Variants in SLC35F4 observed in about 807,000 individuals in gnomAD.
SLC35F4 encodes the protein chromosome 14 open reading frame 36.
Under a neutral mutation model 44.2 loss-of-function variants are expected in SLC35F4, and 24 were observed. The ratio of observed to expected loss-of-function variants is 0.54; its 90% CI spans 0.39 to 0.76. The LOEUF is 0.76. SLC35F4 is among the 30% of genes least tolerant of loss of function. The pLI, the probability that SLC35F4 is intolerant of heterozygous loss-of-function variation, is 0.00. For synonymous variants in SLC35F4, 238 were observed against 223.6 expected (o/e 1.06, Z -0.57); for missense variants, 562 against 586.1 (o/e 0.96, Z 0.42).
At chr14:57,702,766 C>A (rs1025402750) in intron 1 of SLC35F4, among the ~76,000 whole-genome samples, 1 of 152,132 alleles carries the variant, frequency 6.6e-6, no homozygotes, top group African/African-American at 2.4e-5. Context: ...ATTTTCTGCA[C>A]GATGTTCCTT....
intron 1 of SLC35F4, among the ~76,000 whole-genome samples, chr14:57,644,679 A>G (rs905466444): frequency 1.3e-5 from 2 of 152,144 alleles, no homozygotes; most frequent in African/African-American, 4.8e-5. Context: ...TTAGACATGA[A>G]GTCCTTGCCC....
At chr14:57,721,433 T>C (rs1464970253) in intron 1 of SLC35F4, among the ~76,000 whole-genome samples, 3 of 152,164 alleles carry the variant, frequency 2.0e-5, no homozygotes, top group Non-Finnish European at 4.4e-5. Context: ...AAGAAAATGA[T>C]GAACTCAGGG....
intron 1 of SLC35F4, among the ~76,000 whole-genome samples, chr14:57,668,545 A>G (rs898183085): frequency 4.6e-5 from 7 of 152,120 alleles, no homozygotes; most frequent in Non-Finnish European, 1.0e-4. Flanking sequence ...AACTTTCTGC[A>G]TATGGCTAGC....
At chr14:57,565,965 T>C (rs2068185606) in intron 7 of SLC35F4, among the ~76,000 whole-genome samples, 1 of 152,180 alleles carries the variant, frequency 6.6e-6, no homozygotes, top group African/African-American at 2.4e-5. Context: ...TCTAGAAATA[T>C]CCTGGAAAAA....
intron 1 of SLC35F4, among the ~76,000 whole-genome samples, chr14:57,981,265 A>G (rs1881372885): frequency 6.6e-6 from 1 of 152,164 alleles, no homozygotes; most frequent in Non-Finnish European, 1.5e-5. Flanking sequence ...ATATTTAGTG[A>G]TCATTTCCCA....
intron 1 of SLC35F4, among the ~76,000 whole-genome samples, chr14:57,823,050 T>C (rs1042052202): frequency 6.6e-6 from 1 of 152,056 alleles, no homozygotes; most frequent in Non-Finnish European, 1.5e-5. Context: ...GCCAGAGAGA[T>C]CTTAAAACAG....
intron 1 of SLC35F4, among the ~76,000 whole-genome samples, chr14:57,720,838 T>C (rs2076066358): frequency 6.6e-6 from 1 of 151,866 alleles, no homozygotes; most frequent in African/African-American, 2.4e-5. Flanking sequence ...GCTACATCTT[T>C]CTCTCATGCT....
chr14:57,972,541 G>A (rs1249330120), downstream of SLC35F4, among the ~76,000 whole-genome samples: 3 of 150,298 alleles, frequency 2.0e-5, no homozygotes, highest in African/African-American at 7.3e-5. Flanking sequence ...TCATGCTGAA[G>A]TGGAAAAAAA....
intron 1 of SLC35F4, among the ~76,000 whole-genome samples, chr14:57,812,703 A>G (rs1456717377): frequency 1.3e-5 from 2 of 152,094 alleles, no homozygotes; most frequent in Non-Finnish European, 2.9e-5. Context: ...TACAGAACGG[A>G]CAAAGAAAAA....
At chr14:57,853,623 G>A (rs938653114) in intron 1 of SLC35F4, among the ~76,000 whole-genome samples, 11 of 152,140 alleles carry the variant, frequency 7.2e-5, no homozygotes, top group Non-Finnish European at 1.3e-4. Context: ...AGAGATTCTC[G>A]CTCAATCTGT....
intron 1 of SLC35F4, among the ~76,000 whole-genome samples, chr14:57,712,289 TAC>T (rs1218889780): frequency 8.8e-6 from 1 of 113,548 alleles, no homozygotes; most frequent in Non-Finnish European, 2.1e-5. Flanking sequence ...ATCATTTGCC[TAC>T]ACAGTATGAG....
rs556497085 is a variant in SLC35F4 at position 57,586,992 on chromosome 14, C to T, written c.587+2224G>A. On this transcript the variant is annotated intron_variant, in intron 3 of 7. Transcript: ENST00000556826. ...CCAACAAACACTTCTCAAAAGAAGACGTTTATGCAGCCAACAAGCTATGAA... is the reference window on the plus strand; with the variant it reads ...CCAACAAACACTTCTCAAAAGAAGATGTTTATGCAGCCAACAAGCTATGAA... Among the ~76,000 whole-genome samples, 12 of 81,084 alleles carry T rather than the reference C, an allele frequency of 1.5e-4. No individual in the cohort carries two copies. In the East Asian group the frequency reaches 3.4e-3, roughly 23 times the overall value. 53.2% of individuals were successfully genotyped at this position (81,084 alleles called of 152,430 possible).
intron 1 of SLC35F4, among the ~76,000 whole-genome samples, chr14:57,789,619 A>G (rs1465043221): frequency 6.6e-6 from 1 of 152,208 alleles, no homozygotes; most frequent in African/African-American, 2.4e-5. Flanking sequence ...CAACAGAAAA[A>G]GAGGGATTCC....
At chr14:57,864,685 T>C (rs1288110832) in intron 1 of SLC35F4, among the ~76,000 whole-genome samples, 1 of 152,210 alleles carries the variant, frequency 6.6e-6, no homozygotes, top group East Asian at 1.9e-4. Flanking sequence ...GAAATGCATC[T>C]AGGAGCTTCC....
At chr14:57,620,305 A>T (rs1251971716) in intron 1 of SLC35F4, among the ~76,000 whole-genome samples, 1 of 152,168 alleles carries the variant, frequency 6.6e-6, no homozygotes, top group Non-Finnish European at 1.5e-5. Context: ...GTCGGGTTAC[A>T]CACAAAGGGA....
chr14:57,975,858 T>A (rs931647000), downstream of SLC35F4, among the ~76,000 whole-genome samples: 2 of 152,204 alleles, frequency 1.3e-5, no homozygotes, highest in African/African-American at 2.4e-5. Context: ...CAAATGGTAG[T>A]GCATAATTGT....
chr14:57,708,350 C>T (rs929780040), intron 1 of SLC35F4, among the ~76,000 whole-genome samples: 9 of 152,174 alleles, frequency 5.9e-5, no homozygotes, highest in African/African-American at 2.2e-4. Flanking sequence ...AAACTCTGAT[C>T]CCCAATTGCT....
At chr14:57,776,665 C>CAAAAAAAAAAAAAAAAAAAAAAAAA (rs57272978) in intron 1 of SLC35F4, among the ~76,000 whole-genome samples, 1 of 72,070 alleles carries the variant, frequency 1.4e-5, no homozygotes, top group African/African-American at 4.6e-5. Context: ...GACTCCATCT[C>CAAAAAAAAAAAAAAAAAAAAAAAAA]AAAAAAAAAA....
intron 1 of SLC35F4, among the ~76,000 whole-genome samples, chr14:57,902,578 GA>G (rs1889025771): frequency 6.9e-6 from 1 of 144,698 alleles, no homozygotes; most frequent in Non-Finnish European, 1.5e-5. Context: ...AAAAAAAAAA[GA>G]AGAAGAAGAA....
Sources: allele counts gnomAD v4.1 joint callset (sites outside exome capture counted in the v4.1 genomes callset), GRCh38; gene constraint gnomAD v4.1.1; transcripts MANE v1.5; gene names NCBI Gene and HGNC (gene_info 2026-07-23, HGNC 2026-07-21).